Variants in DPP4 observed in about 807,000 individuals in gnomAD.
The protein encoded by DPP4 is ADCP-2.
In DPP4, 93 loss-of-function variants were observed where a neutral mutation model predicts 122.4. The observed-to-expected ratio is 0.76, with a 90% CI of 0.64 to 0.90. DPP4 has a LOEUF of 0.90. Ranked by LOEUF, DPP4 falls within the 40% of genes least tolerant of loss-of-function variation. The pLI is 0.00. For synonymous variants in DPP4, 321 were observed against 302.9 expected, an observed-to-expected ratio of 1.06 and a Z score of -0.62; for missense variants, 914 against 907.3, an observed-to-expected ratio of 1.01 and a Z score of -0.09.
At chr2:162,056,726 C>A (rs1426475227) in intron 2 of DPP4, among the ~76,000 whole-genome samples, 1 of 152,122 alleles carries the variant, frequency 6.6e-6, no homozygotes, top group Non-Finnish European at 1.5e-5. Flanking sequence ...AAGAAAAAGC[C>A]ACACAGTGAG....
rs182689048 is a variant in DPP4, at chr2:162,035,181, G to T, written c.757C>A (p.Arg253=). ...GCACAGACCTTTGGATATGGAACCC[G>T]TACAGTCTTTGGGTACTGCAGTGAC... is the stretch of plus-strand genomic sequence containing the variant. ...DESLQYPKTV[R]VPYPKAGAVN... The change falls in exon 9 of 26, where the codon CGG becomes AGG. Residue 253 remains arginine (R), a synonymous_variant. Transcript: ENST00000360534. 2.0e-5 allele frequency: 33 copies of T among 1,613,416 alleles called. No homozygotes were observed. The highest frequency in any genetic ancestry group is 2.8e-5 in the Non-Finnish European group (33 of 1,179,752).
intron 2 of DPP4, among the ~76,000 whole-genome samples, chr2:162,057,254 A>C (rs1002262868): frequency 1.3e-5 from 2 of 152,228 alleles, no homozygotes; most frequent in African/African-American, 4.8e-5. Flanking sequence ...AGAACCTGTC[A>C]GACTATTACA....
intron 12 of DPP4, chr2:162,021,464 A>C (rs1286506109): frequency 6.6e-6 from 1 of 152,204 alleles, no homozygotes; most frequent in Non-Finnish European, 1.5e-5. Context: ...GCTACATTTG[A>C]GAGCAGGTAG....
intron 9 of DPP4, among the ~76,000 whole-genome samples, chr2:162,034,346 T>A (rs1024342745): frequency 3.3e-5 from 5 of 152,220 alleles, no homozygotes; most frequent in Admixed American, 2.0e-4. Flanking sequence ...AAAAATAACA[T>A]TCCACTGAAA....
Position 161,992,569 on chromosome 2 carries a change from C to T in DPP4, c.*714G>A, listed in dbSNP as rs1576027183. The T allele has an allele frequency of 1.3e-5, 2 of 152,656 alleles. No individual in the cohort carries two copies. Among genetic ancestry groups the T allele is most frequent in the African/African-American group, 4.8e-5 (2 of 41,448 alleles). The allele number at this position is 152,656 out of a possible 1,614,324, so 9.5% of individuals were successfully genotyped here. A position where few individuals can be genotyped will look rare whatever the true frequency, so the allele number is the denominator to read the frequency against. ...TAAAAGCACATTTACAATGCTTTCC[C>T]ATCACCCTTGCTGTGTTTTTGTAGC... On this transcript the variant is annotated 3_prime_UTR_variant, in exon 26 of 26. Coordinates refer to ENST00000360534, the MANE Select transcript of DPP4 (RefSeq NM_001935.4).
intron 4 of DPP4, among the ~76,000 whole-genome samples, chr2:162,045,844 G>A (rs537545720): frequency 3.3e-5 from 5 of 152,338 alleles, no homozygotes; most frequent in Admixed American, 6.5e-5. Flanking sequence ...AGATGCCTGC[G>A]AGAGTGAGGA....
intron 3 of DPP4, 77 bp downstream of exon 3, chr2:162,047,326 T>C (rs759401594): frequency 1.1e-5 from 9 of 798,088 alleles, no homozygotes; most frequent in African/African-American, 1.0e-4. Context: ...CTCTTCTCAG[T>C]GCCATAAAAG....
chr2:162,067,648 A>G (rs1684991066), intron 2 of DPP4, among the ~76,000 whole-genome samples: 1 of 151,166 alleles, frequency 6.6e-6, no homozygotes, highest in Non-Finnish European at 1.5e-5. Context: ...AACAATATAA[A>G]ACAATACAAT....
chr2:162,018,975 T>TC, intron 15 of DPP4, 125 bp from the exon 16 acceptor site: 1 of 1,272,934 alleles, frequency 7.9e-7, no homozygotes, highest in Non-Finnish European at 1.1e-6. Context: ...GACTTTTTTT[T>TC]TTTTAGCATG....
In DPP4 at chr2:162,008,589, C is replaced by T. The variant is rs759017895; in HGVS notation, c.1960G>A (p.Ala654Thr). Residue 654 changes from alanine (A) to threonine (T), a missense_variant, in exon 22 of 26, where the codon GCG (alanine) becomes ACG (threonine). By Grantham distance (58) the Ala-to-Thr change is moderately conservative. Coordinates refer to ENST00000360534, the MANE Select transcript of DPP4 (RefSeq NM_001935.4). ...TAGTACTCCCACCGGGATACAGGCG[C>T]CACGGCTATTCCACACTTGAACACG... is the stretch of plus-strand genomic sequence containing the variant. ...SGVFKCGIAV[A>T]PVSRWEYYDS... is the part of the protein sequence containing the mutation. 16 of 1,613,492 alleles carry T rather than the reference C, an allele frequency of 9.9e-6. No individual in the cohort carries two copies. The East Asian group carries it at 1.6e-4, about 16-fold the overall frequency.
intron 4 of DPP4, among the ~76,000 whole-genome samples, chr2:162,046,037 C>T (rs1037075712): frequency 8.6e-5 from 13 of 151,942 alleles, no homozygotes; most frequent in African/African-American, 2.9e-4. Flanking sequence ...ATAGCTGGGA[C>T]CTAAATATAA....
chr2:162,054,496 T>G (rs1684498286), intron 2 of DPP4, among the ~76,000 whole-genome samples: 1 of 152,146 alleles, frequency 6.6e-6, no homozygotes, highest in African/African-American at 2.4e-5. Context: ...ATGGTCTGAG[T>G]GTCCCCCAAA....
At chr2:162,054,492 TGA>T (rs1211408184) in intron 2 of DPP4, among the ~76,000 whole-genome samples, 1 of 152,202 alleles carries the variant, frequency 6.6e-6, no homozygotes, top group Non-Finnish European at 1.5e-5. Flanking sequence ...TGCTATGGTC[TGA>T]GTGTCCCCCA....
At chr2:161,997,646 A>G (rs1701039808) in intron 23 of DPP4, among the ~76,000 whole-genome samples, 1 of 152,206 alleles carries the variant, frequency 6.6e-6, no homozygotes, top group Admixed American at 6.5e-5. Flanking sequence ...CATACACCAT[A>G]CCATTCATGA....
intron 10 of DPP4, among the ~76,000 whole-genome samples, chr2:162,027,319 C>G (rs1368285123): frequency 6.6e-6 from 1 of 151,096 alleles, no homozygotes; most frequent in East Asian, 1.9e-4. Context: ...CCGCTGCACT[C>G]TAGCCTGGGT....
rs1701355730 is a variant in DPP4, at chr2:162,009,186, G to T, written c.1887+55C>A. The T allele has an allele frequency of 1.5e-5, 23 of 1,551,766 alleles. No individual in the cohort carries two copies. The Admixed American group carries it at 3.7e-4, about 25-fold the overall frequency. ...GTATATACAAAAGATAAAGTAACCT[G>T]CTCTGAGTGATATTCACTAACGAAT... On this transcript the variant is annotated intron_variant, in intron 21 of 25. Transcript: ENST00000360534.
Position 162,017,170 on chromosome 2 carries a change from G to C in DPP4, c.1421-15C>G. ...CAGACCAGGACCTGTTAACACAATG[G>C]GGGAAAAATGTTTTGGATGAATACT... On this transcript the variant is annotated splice_polypyrimidine_tract_variant and intron_variant, in intron 16 of 25. Transcript: ENST00000360534. 6.2e-7 allele frequency: 1 copy of C among 1,608,526 alleles called. No individual in the cohort carries two copies.
At chr2:162,024,987 C>A (rs376067747) in intron 10 of DPP4, 48 bp from the exon 11 acceptor site, 1 of 1,597,866 alleles carries the variant, frequency 6.3e-7, no homozygotes, top group African/African-American at 1.3e-5. Context: ...ATGAACATGA[C>A]TATTGCCAGA....
chr2:162,049,904 G>T (rs1031048367), intron 2 of DPP4, among the ~76,000 whole-genome samples: 2 of 151,932 alleles, frequency 1.3e-5, no homozygotes, highest in South Asian at 2.1e-4. Flanking sequence ...TTTAAACCTT[G>T]TTCATTTAAT....
Sources: allele counts gnomAD v4.1 joint callset (sites outside exome capture counted in the v4.1 genomes callset), GRCh38; gene constraint gnomAD v4.1.1; transcripts MANE v1.5; gene names NCBI Gene and HGNC (gene_info 2026-07-23, HGNC 2026-07-21).